Variants in TM6SF2 observed in about 807,000 individuals in gnomAD.
TM6SF2 encodes the protein transmembrane 6 superfamily member 2.
A neutral mutation model predicts 41.0 loss-of-function variants in TM6SF2; 29 were observed. The observed-to-expected ratio is 0.71, with a 90% confidence interval of 0.53 to 0.96. TM6SF2 has a LOEUF of 0.96. TM6SF2 is among the 50% of genes least tolerant of loss of function. The pLI is 0.00. For synonymous variants in TM6SF2, 200 were observed against 209.1 expected, an observed-to-expected ratio of 0.96 and a Z score of 0.37; for missense variants, 475 against 499.0, an observed-to-expected ratio of 0.95 and a Z score of 0.46.
In TM6SF2 at chr19:19,268,664, T is replaced by TGGCTGAA; in HGVS notation, c.568_574dup (p.Gln192LeufsTer29). On this transcript the variant is annotated frameshift_variant, in exon 6 of 10. Transcript: ENST00000389363. LOFTEE classifies it high-confidence loss of function. ...GGTGCAGCGGGTTAGCGCCCGGGGC[T>TGGCTGAA]GGCTGAAGACCTTCATGCCAGCCCA... The TGGCTGAA allele has an allele frequency of 6.3e-7, 1 of 1,590,736 alleles. No individual in the cohort carries two copies. The highest frequency in any genetic ancestry group is 8.5e-7 in the Non-Finnish European group (1 of 1,172,876).
At chr19:19,269,811 G>A (rs1456806383) in intron 4 of TM6SF2, 42 bp from the exon 5 acceptor site, 59 of 1,613,126 alleles carry the variant, frequency 3.7e-5, no homozygotes, top group Middle Eastern at 1.7e-4. Context: ...TAGTCACTCC[G>A]TAATCTCAGA....
intron 8 of TM6SF2, chr19:19,266,839 GGCCTA>G (rs1166421058): frequency 2.2e-6 from 1 of 456,608 alleles, no homozygotes; most frequent in Non-Finnish European, 4.0e-6. Context: ...ATGCGACCCT[GGCCTA>G]GCCAGTCGGA....
rs1459130664 is a variant in TM6SF2, at chr19:19,268,723, G to A, written c.516C>T (p.Phe172=). ...GKYSSEIRPA[F]FLTIPYLLVP... ...CCAGCAGGTAGGGGATGGTGAGGAA[G>A]AAGGCAGGCCTGATCTCGGAGCTGT... is the stretch of plus-strand genomic sequence containing the variant. The change falls in exon 6 of 10, where the codon TTC becomes TTT. Residue 172 remains phenylalanine, a synonymous_variant. Transcript: ENST00000389363. 2 of 1,605,190 alleles carry A rather than the reference G, an allele frequency of 1.2e-6. No individual in the cohort carries two copies. Among genetic ancestry groups the A allele is most frequent in the African/African-American group, 2.7e-5 (2 of 74,246 alleles).
chr19:19,272,364 G>A (rs1248024678), intron 1 of TM6SF2, among the ~76,000 whole-genome samples: 1 of 152,158 alleles, frequency 6.6e-6, no homozygotes. Context: ...ATCTAGGATC[G>A]TGCCCATTAC....
intron 9 of TM6SF2, 143 bp from the exon 10 acceptor site, chr19:19,265,016 C>T (rs1483762418): frequency 1.9e-5 from 9 of 472,908 alleles, no homozygotes; most frequent in Non-Finnish European, 3.3e-5. Context: ...CTATCTGTTT[C>T]CCATCTCCAG....
At chr19:19,271,305 G>T (rs188841337) in intron 1 of TM6SF2, among the ~76,000 whole-genome samples, 180 bp from the exon 2 acceptor site, 2 of 152,236 alleles carry the variant, frequency 1.3e-5, no homozygotes, top group Admixed American at 6.5e-5. Context: ...CCTTGCTCAG[G>T]CTGTTTCTTC....
In TM6SF2 at chr19:19,273,291, G is replaced by C. The variant is rs1369562930; in HGVS notation, c.-76C>G. The C allele has an allele frequency of 7.8e-6, 9 of 1,156,286 alleles. No individual in the cohort carries two copies. Among genetic ancestry groups the C allele is most frequent in the Non-Finnish European group, 1.0e-5 (9 of 893,668 alleles). The allele number at this position is 1,156,286 out of a possible 1,614,324, so 71.6% of individuals were successfully genotyped here. A position where few individuals can be genotyped will look rare whatever the true frequency, so the allele number is the denominator to read the frequency against. On this transcript the variant is annotated 5_prime_UTR_variant, in exon 1 of 10. Transcript: ENST00000389363. ...TCGGCTCCTCGTTGGCGGCGAGTCC[G>C]GGCCGAGGCTGCCAGGGACCCGCCC...
chr19:19,268,038 G>T lies in TM6SF2; in HGVS notation c.659C>A (p.Ala220Asp), dbSNP rs1297300130. The change falls in exon 7 of 10, where the codon GCC (alanine) becomes GAC (aspartate). Residue 220 changes from alanine to aspartate, a missense_variant. By Grantham distance (126) the Ala-to-Asp change is moderately radical. Around this residue, in one of 3 missense-constraint regions of TM6SF2, gnomAD observed 47 missense variants for 80.3 expected, o/e 0.59. Transcript: ENST00000389363. ...KGLLQRPADL[A>D]LVIYLILAGF... ...AGCAAGGATGAGATATATGACAAGG[G>T]CCAGGTCAGCCGGACGCTGCAGGAG... The T allele has an allele frequency of 6.2e-7, 1 of 1,613,952 alleles. No individual in the cohort carries two copies. Among genetic ancestry groups the T allele is most frequent in the Non-Finnish European group, 8.5e-7 (1 of 1,180,022 alleles).
At chr19:19,267,740 C>A (rs758285826) in intron 7 of TM6SF2, 27 bp from the exon 8 acceptor site, 2 of 1,604,518 alleles carry the variant, frequency 1.2e-6, no homozygotes, top group South Asian at 1.1e-5. Context: ...TACCAAGAAC[C>A]CTCAGACATA....
rs2061031035 is a variant in TM6SF2 at position 19,273,151 on chromosome 19, T to C, written c.65A>G (p.Tyr22Cys). Residue 22 changes from tyrosine (Y) to cysteine (C), a missense_variant, in exon 1 of 10, where the codon TAC becomes TGC. By Grantham distance (194) the Tyr-to-Cys change is radical. Around this residue, in one of 3 missense-constraint regions of TM6SF2, gnomAD observed 238 missense variants for 228.6 expected, o/e 1.04. Coordinates refer to ENST00000389363, the MANE Select transcript of TM6SF2 (RefSeq NM_001001524.3). ...GAGCGCCGAGACGTGGTTGAGCGCGTAGGACACCGGGAGGGCGCTCAGCGA... is the reference window on the plus strand; with the variant it reads ...GAGCGCCGAGACGTGGTTGAGCGCGCAGGACACCGGGAGGGCGCTCAGCGA... ...ALSLSALPVS[Y>C]ALNHVSALSH... 1 of 1,453,394 alleles carries C rather than the reference T, an allele frequency of 6.9e-7. No individual in the cohort carries two copies. Among genetic ancestry groups the C allele is most frequent in the Non-Finnish European group, 9.1e-7 (1 of 1,103,222 alleles). 90.0% of individuals were successfully genotyped at this position (1,453,394 alleles called of 1,614,324 possible). A position where few individuals can be genotyped will look rare whatever the true frequency, so the allele number is the denominator to read the frequency against.
chr19:19,273,061 T>TA, intron 1 of TM6SF2, 60 bp downstream of exon 1: 2 of 305,452 alleles, frequency 6.5e-6, no homozygotes, highest in Non-Finnish European at 1.2e-5. Flanking sequence ...CCTCCAGTCC[T>TA]CCCCGCCCCC....
At position 19,264,722 on chromosome 19, in the gene TM6SF2, GCGGGCCA is replaced by G; in HGVS notation, c.1069_1075del (p.Trp357HisfsTer12). ...GGAGGGTGGTGGCTGGTGGAAGAAT[GCGGGCCA>G]CTGAAGGCAACGGTAGGCCAGCAGG... On this transcript the variant is annotated frameshift_variant, in exon 10 of 10. Coordinates refer to ENST00000389363, the MANE Select transcript of TM6SF2 (RefSeq NM_001001524.3). LOFTEE classifies it low-confidence loss of function (END_TRUNC). 6.3e-7 allele frequency: 1 copy of G among 1,598,264 alleles called. No homozygotes were observed. Among genetic ancestry groups the G allele is most frequent in the South Asian group, 1.1e-5 (1 of 88,448 alleles).
At chr19:19,265,611 T>C (rs953116152) in intron 9 of TM6SF2, among the ~76,000 whole-genome samples, 1 of 151,158 alleles carries the variant, frequency 6.6e-6, no homozygotes. Context: ...TAGAGACAGG[T>C]TTTTGCCATG....
intron 8 of TM6SF2, among the ~76,000 whole-genome samples, chr19:19,267,326 C>T (rs2061006334): frequency 1.3e-5 from 2 of 149,538 alleles, no homozygotes; most frequent in African/African-American, 5.0e-5. Context: ...CGAGATCATG[C>T]CATTGCACTC....
chr19:19,264,954 G>A, intron 9 of TM6SF2, 81 bp from the exon 10 acceptor site: 1 of 1,118,402 alleles, frequency 8.9e-7, no homozygotes, highest in Non-Finnish European at 1.2e-6. Context: ...CCCCCAGGTA[G>A]GTCAGGCAGA....
chr19:19,271,526 C>CTT (rs903077025), intron 1 of TM6SF2, among the ~76,000 whole-genome samples: 5 of 150,796 alleles, frequency 3.3e-5, no homozygotes, highest in African/African-American at 1.2e-4. Context: ...CTTTTTCTTT[C>CTT]TTTCTCTCTC....
intron 8 of TM6SF2, among the ~76,000 whole-genome samples, chr19:19,266,974 TC>T (rs2061005244): frequency 1.3e-5 from 2 of 152,166 alleles, no homozygotes; most frequent in Non-Finnish European, 2.9e-5. Context: ...CTCACATTGC[TC>T]TGGGGTGGCT....
intron 6 of TM6SF2, 124 bp from the exon 7 acceptor site, chr19:19,268,211 T>A: frequency 1.9e-6 from 1 of 523,944 alleles, no homozygotes; most frequent in Non-Finnish European, 3.1e-6. Flanking sequence ...CTTTTTTCTT[T>A]TTTTTTTTTT....
chr19:19,266,907 C>G (rs2074298), intron 8 of TM6SF2, among the ~76,000 whole-genome samples: 62,922 of 152,140 alleles, frequency 0.41, 14,424 homozygotes, highest in African/African-American at 0.61. Flanking sequence ...AAGTGATTCA[C>G]GCTGGGCCAA....
Sources: allele counts gnomAD v4.1 joint callset (sites outside exome capture counted in the v4.1 genomes callset), GRCh38; gene constraint gnomAD v4.1.1; regional missense constraint gnomAD v4.1.1; transcripts MANE v1.5; gene names NCBI Gene and HGNC (gene_info 2026-07-23, HGNC 2026-07-21).